The following CLOCK variants were observed in gnomAD, a reference collection of about 807,000 sequenced individuals.
The protein encoded by CLOCK is circadian locomoter output cycles protein kaput.
CLOCK carries 43 observed loss-of-function variants against 118.4 expected under a neutral mutation model. The ratio of observed to expected loss-of-function variants is 0.36; its 90% confidence interval spans 0.28 to 0.47. CLOCK has a LOEUF of 0.47. Ranked by LOEUF, CLOCK falls within the 20% of genes least tolerant of loss-of-function variation. The pLI is 1.00. For synonymous variants in CLOCK, 326 were observed against 339.2 expected, an observed-to-expected ratio of 0.96 and a Z score of 0.43; for missense variants, 846 against 999.9, an observed-to-expected ratio of 0.85 and a Z score of 2.08.
intron 2 of CLOCK, among the ~76,000 whole-genome samples, chr4:55,490,626 A>G (rs1727607075): frequency 6.6e-6 from 1 of 152,178 alleles, no homozygotes; most frequent in South Asian, 2.1e-4. Context: ...CCTATAACCT[A>G]TGTGCCTCCT....
At chr4:55,436,942 T>C (rs962585451) in intron 22 of CLOCK, among the ~76,000 whole-genome samples, 2 of 151,488 alleles carry the variant, frequency 1.3e-5, no homozygotes, top group Non-Finnish European at 2.9e-5. Flanking sequence ...AGGGCCTTTG[T>C]TCCTTGACAT....
chr4:55,526,801 G>T (rs532278160), intron 1 of CLOCK, among the ~76,000 whole-genome samples: 1 of 151,916 alleles, frequency 6.6e-6, no homozygotes, highest in African/African-American at 2.4e-5. Context: ...ACAAAAATTA[G>T]CCGGGCAAAG....
At chr4:55,532,091 C>T (rs1306723536) in intron 1 of CLOCK, among the ~76,000 whole-genome samples, 1 of 151,922 alleles carries the variant, frequency 6.6e-6, no homozygotes, top group Non-Finnish European at 1.5e-5. Flanking sequence ...TTCCAATTGA[C>T]GAACAAATGC....
chr4:55,449,494 T>C lies in CLOCK; in HGVS notation c.1351A>G (p.Thr451Ala), dbSNP rs1474602727. Residue 451 changes from threonine to alanine, a missense_variant and splice_region_variant, in exon 17 of 23, where the codon ACA becomes GCA. Around this residue, in one of 4 missense-constraint regions of CLOCK, gnomAD observed 520 missense variants for 558.0 expected, o/e 0.93. Transcript: ENST00000513440. ...GTATCCGTCGGGATCTTGGTTGGTGTTGCTGAAGTCAACAAAATCAGAAGA... is the reference window on the plus strand; with the variant it reads ...GTATCCGTCGGGATCTTGGTTGGTGCTGCTGAAGTCAACAAAATCAGAAGA... The part of the protein sequence containing the change: ...SHTAVSDPSS[T>A]PTKIPTDTST... The C allele has an allele frequency of 4.3e-6, 7 of 1,613,798 alleles. No homozygotes were observed. The highest frequency in any genetic ancestry group is 5.1e-6 in the Non-Finnish European group (6 of 1,179,712).
At chr4:55,545,478 T>C (rs1731553713) in intron 1 of CLOCK, 1 of 152,332 alleles carries the variant, frequency 6.6e-6, no homozygotes, top group South Asian at 2.1e-4. Flanking sequence ...ATCAGCGTTA[T>C]AGTCAAATCA....
chr4:55,544,424 G>A (rs1293593786), intron 1 of CLOCK, among the ~76,000 whole-genome samples: 1 of 152,072 alleles, frequency 6.6e-6, no homozygotes, highest in Non-Finnish European at 1.5e-5. Context: ...ACTACACTCT[G>A]AAAGCAGCAT....
At chr4:55,479,182 G>T in intron 5 of CLOCK, 1 of 432,418 alleles carries the variant, frequency 2.3e-6, no homozygotes, top group South Asian at 3.5e-5. Flanking sequence ...TGACAAACAT[G>T]TTTTTATGAA....
chr4:55,520,672 GT>G (rs1729798969), intron 1 of CLOCK, among the ~76,000 whole-genome samples: 2 of 152,082 alleles, frequency 1.3e-5, no homozygotes, highest in South Asian at 4.1e-4. Flanking sequence ...ACAAAGTGAG[GT>G]AATGTTAAAC....
chr4:55,429,231 G>GTATC lies in CLOCK; in HGVS notation c.*6180_*6183dup, dbSNP rs909796111. 6.6e-6 allele frequency: 1 copy of GTATC among 152,114 alleles called. No individual in the cohort carries two copies. The highest frequency in any genetic ancestry group is 1.5e-5 in the Non-Finnish European group (1 of 68,000). The allele number at this position is 152,114 out of a possible 1,614,324, so 9.4% of individuals were successfully genotyped here. The stretch of plus-strand genomic sequence containing the variant: ...AATTTAAAAGCTTTTATTTGAAAAC[G>GTATC]TATCTTCAGTTTAACCCTCAGAGTT... On this transcript the variant is annotated 3_prime_UTR_variant, in exon 23 of 23. Transcript: ENST00000513440.
At chr4:55,530,498 G>T (rs1730463814) in intron 1 of CLOCK, among the ~76,000 whole-genome samples, 1 of 152,098 alleles carries the variant, frequency 6.6e-6, no homozygotes, top group African/African-American at 2.4e-5. Flanking sequence ...TTCAAAGCAG[G>T]ATGCAGTGGC....
Position 55,438,499 on chromosome 4 carries a change from G to C in CLOCK, c.2144C>G (p.Thr715Ser). 6.2e-7 allele frequency: 1 copy of C among 1,613,780 alleles called. No homozygotes were observed. The change falls in exon 22 of 23, where the codon ACT (threonine) becomes AGT (serine). Residue 715 changes from threonine to serine, a missense_variant. By Grantham distance (58) the Thr-to-Ser change is moderately conservative. Around this residue, in one of 4 missense-constraint regions of CLOCK, gnomAD observed 520 missense variants for 558.0 expected, o/e 0.93. Transcript: ENST00000513440. Reference protein sequence around the residue: ...QGQQLVTKLVTAPVACGAVMV... With the variant: ...QGQQLVTKLVSAPVACGAVMV... ...GACTGCCCCACAAGCTACAGGAGCA[G>C]TCACTAATTTGGTCACAAGTTGTTG...
intron 1 of CLOCK, among the ~76,000 whole-genome samples, chr4:55,510,348 C>T (rs1017506694): frequency 1.4e-4 from 21 of 152,232 alleles, no homozygotes; most frequent in African/African-American, 4.3e-4. Flanking sequence ...TCTCCTGGGA[C>T]GGGTGCGGTG....
intron 13 of CLOCK, 21 bp downstream of exon 13, chr4:55,455,876 G>A (rs756820303): frequency 1.7e-5 from 26 of 1,503,426 alleles, no homozygotes; most frequent in Non-Finnish European, 9.3e-7. Flanking sequence ...ATTATCACCA[G>A]AAATGTTAAA....
chr4:55,448,949 T>C, intron 17 of CLOCK, 81 bp from the exon 18 acceptor site: 1 of 1,086,318 alleles, frequency 9.2e-7, no homozygotes, highest in South Asian at 1.3e-5. Flanking sequence ...CAATATGATA[T>C]TCGTATTAAT....
At chr4:55,468,139 G>T (rs971979621) in intron 8 of CLOCK, among the ~76,000 whole-genome samples, 9 of 151,918 alleles carry the variant, frequency 5.9e-5, no homozygotes, top group African/African-American at 2.2e-4. Context: ...TAATTTTTTT[G>T]TAGAGACAGG....
intron 3 of CLOCK, among the ~76,000 whole-genome samples, chr4:55,486,837 A>G (rs1727330833): frequency 6.6e-6 from 1 of 152,034 alleles, no homozygotes; most frequent in African/African-American, 2.4e-5. Flanking sequence ...TTGGCTTTTT[A>G]TATCTGTACT....
chr4:55,513,351 T>C (rs73153676), intron 1 of CLOCK, among the ~76,000 whole-genome samples: 1 of 152,270 alleles, frequency 6.6e-6, no homozygotes, highest in African/African-American at 2.4e-5. Flanking sequence ...ACATCTAAGT[T>C]TGTGTAAATA....
chr4:55,450,176 C>T lies in CLOCK; in HGVS notation c.1263G>A (p.Leu421=). The change falls in exon 16 of 23, where the codon TTG becomes TTA. Residue 421 remains leucine, a synonymous_variant. Coordinates refer to ENST00000513440, the MANE Select transcript of CLOCK (RefSeq NM_004898.4). ...RINTVSLKEA[L]ERFDHSPTPS... ...GGGTTGGGCTGTGATCAAACCTTTCCAATGCTTCCTTGAGACTGACTGTGT... is the reference window on the plus strand; with the variant it reads ...GGGTTGGGCTGTGATCAAACCTTTCTAATGCTTCCTTGAGACTGACTGTGT... 1 of 1,613,912 alleles carries T rather than the reference C, an allele frequency of 6.2e-7. No individual in the cohort carries two copies.
chr4:55,448,677 A>T, intron 18 of CLOCK, 102 bp downstream of exon 18: 1 of 761,606 alleles, frequency 1.3e-6, no homozygotes, highest in Non-Finnish European at 2.2e-6. Flanking sequence ...AGCTGTGGCT[A>T]CAGGTGCTTG....
Sources: allele counts gnomAD v4.1 joint callset (sites outside exome capture counted in the v4.1 genomes callset), GRCh38; gene constraint gnomAD v4.1.1; regional missense constraint gnomAD v4.1.1; transcripts MANE v1.5; gene names NCBI Gene and HGNC (gene_info 2026-07-23, HGNC 2026-07-21).